Variants in COL4A2 observed in about 807,000 individuals in gnomAD.
COL4A2 encodes the protein collagen alpha-2(IV) chain.
COL4A2 carries 99 observed loss-of-function variants against 200.2 expected under a neutral mutation model. That is an observed-to-expected ratio of 0.49 (90% confidence interval 0.42 to 0.58). The LOEUF (loss-of-function observed/expected upper bound fraction) is 0.58. Among genes scored for constraint, COL4A2 ranks in the 20% least tolerant of loss-of-function variants. The pLI is 0.00. For synonymous variants in COL4A2, 897 were observed against 900.6 expected (o/e 1.00, Z 0.07); for missense variants, 1,950 against 2,314.1 (o/e 0.84, Z 3.23).
intron 3 of COL4A2, among the ~76,000 whole-genome samples, chr13:110,355,488 G>A (rs878975582): frequency 4.7e-4 from 42 of 89,120 alleles, no homozygotes; most frequent in African/African-American, 7.1e-4. Flanking sequence ...TGTGTGTGGG[G>A]GAGGGCTGCA....
intron 3 of COL4A2, among the ~76,000 whole-genome samples, chr13:110,312,091 AGCGCTATTGCTCAAAACATG>A (rs1269268194): frequency 6.6e-6 from 1 of 152,226 alleles, no homozygotes; most frequent in Non-Finnish European, 1.5e-5. Context: ...CTGGAGCTGA[AGCGCTATTGCTCAAAACATG>A]GCCCTCTGAG....
intron 25 of COL4A2, 86 bp from the exon 26 acceptor site, chr13:110,465,917 C>T (rs1882222660): frequency 6.6e-7 from 1 of 1,507,032 alleles, no homozygotes; most frequent in South Asian, 1.2e-5. Context: ...TACGACACAC[C>T]TTCACACACG....
rs544938369 is a variant in COL4A2 at position 110,386,734 on chromosome 13, A to G, written c.180+29182A>G. 7.9e-5 allele frequency among the ~76,000 whole-genome samples: 12 copies of G among 152,312 alleles called. No homozygotes were observed. In the South Asian group the frequency reaches 2.5e-3, roughly 32 times the overall value. The stretch of plus-strand genomic sequence containing the variant: ...ATTCAGCCACTTCTATGTAGAGAGT[A>G]CTCAGATAAAAAAGAAAAGTGAGAT... On this transcript the variant is annotated intron_variant, in intron 4 of 47. Transcript: ENST00000360467.
At chr13:110,475,501 A>T (rs571823701) in intron 29 of COL4A2, among the ~76,000 whole-genome samples, 1 of 152,348 alleles carries the variant, frequency 6.6e-6, no homozygotes, top group African/African-American at 2.4e-5. Flanking sequence ...AGAATGTTTG[A>T]GCATGAAAAC....
chr13:110,424,637 A>AAAC (rs2034101606), intron 4 of COL4A2, 97 bp from the exon 5 acceptor site: 1 of 796,772 alleles, frequency 1.3e-6, no homozygotes. Context: ...AGCTCTTTAA[A>AAAC]AACAAAAAAA....
At chr13:110,456,740 TG>T in intron 20 of COL4A2, 3 of 472,922 alleles carry the variant, frequency 6.3e-6, no homozygotes, top group South Asian at 3.1e-5. Context: ...GCCCTGTGTC[TG>T]GGGGGACCCT....
chr13:110,454,707 G>A (rs1393039749), intron 20 of COL4A2, among the ~76,000 whole-genome samples: 1 of 151,786 alleles, frequency 6.6e-6, no homozygotes, highest in East Asian at 1.9e-4. Context: ...GCCCCTCCCT[G>A]CACTCCCCGC....
chr13:110,432,063 G>A (rs1880702049), intron 10 of COL4A2, among the ~76,000 whole-genome samples: 1 of 152,204 alleles, frequency 6.6e-6, no homozygotes, highest in African/African-American at 2.4e-5. Context: ...GAGGACATGG[G>A]TGAAGTCAAA....
intron 47 of COL4A2, among the ~76,000 whole-genome samples, chr13:110,509,270 T>TATATATACAC (rs1435137108): frequency 8.7e-6 from 1 of 115,578 alleles, no homozygotes; most frequent in East Asian, 2.8e-4. Context: ...TATATATATA[T>TATATATACAC]ACACACACAC....
chr13:110,467,531 G>T (rs965370554), intron 27 of COL4A2, among the ~76,000 whole-genome samples: 3 of 152,246 alleles, frequency 2.0e-5, no homozygotes, highest in Non-Finnish European at 4.4e-5. Context: ...AGAGTGTTTT[G>T]TCTCTAGCAC....
rs1882750220 is a variant in COL4A2, at chr13:110,477,590, G to A, written c.2426-413G>A. On this transcript the variant is annotated intron_variant, in intron 29 of 47. Coordinates refer to ENST00000360467, the MANE Select transcript of COL4A2 (RefSeq NM_001846.4). ...TTTGCAAAAGTGAAAAAAATGGGGA[G>A]GATGCGATGGAATACATTCAATGTG... Among the ~76,000 whole-genome samples the A allele has an allele frequency of 1.3e-5, 2 of 152,166 alleles. 1 individual carries two copies. The highest frequency in any genetic ancestry group is 4.8e-5 in the African/African-American group (2 of 41,440).
At chr13:110,470,001 G>A (rs1023038169) in intron 28 of COL4A2, among the ~76,000 whole-genome samples, 4 of 136,098 alleles carry the variant, frequency 2.9e-5, no homozygotes, top group Non-Finnish European at 4.6e-5. Flanking sequence ...TGCAACCTCC[G>A]CCTTCTGGGT....
rs564100044 is a variant in COL4A2 at position 110,484,735 on chromosome 13, A to G, written c.2903-170A>G. ...GACCCTGGAGCCACCCCCAACTCCA[A>G]CTACTCCGATGGACACAGGAGAGGC... On this transcript the variant is annotated intron_variant, in intron 32 of 47. Transcript: ENST00000360467. Among the ~76,000 whole-genome samples, 95 of 152,068 alleles carry G rather than the reference A, an allele frequency of 6.2e-4. 1 individual carries two copies. Among genetic ancestry groups the G allele is most frequent in the Admixed American group, 5.8e-3 (89 of 15,272 alleles).
At chr13:110,335,254 G>C (rs977868404) in intron 3 of COL4A2, among the ~76,000 whole-genome samples, 3 of 152,038 alleles carry the variant, frequency 2.0e-5, no homozygotes, top group African/African-American at 7.2e-5. Flanking sequence ...TTCAGCCATG[G>C]CTCCTGCTGT....
At chr13:110,394,491 C>T (rs961763940) in intron 4 of COL4A2, among the ~76,000 whole-genome samples, 1 of 152,208 alleles carries the variant, frequency 6.6e-6, no homozygotes, top group Admixed American at 6.5e-5. Context: ...GGGGATGTTT[C>T]ACAGCCACAA....
At chr13:110,479,252 G>A (rs1221230964) in intron 30 of COL4A2, among the ~76,000 whole-genome samples, 1 of 152,212 alleles carries the variant, frequency 6.6e-6, no homozygotes, top group Non-Finnish European at 1.5e-5. Flanking sequence ...ACTTTAGGTG[G>A]GGAGAGAGAC....
At chr13:110,441,613 A>G (rs1298121181) in intron 16 of COL4A2, among the ~76,000 whole-genome samples, 1 of 152,208 alleles carries the variant, frequency 6.6e-6, no homozygotes, top group Non-Finnish European at 1.5e-5. Context: ...GCCACATTCT[A>G]GTTCATGGCT....
At chr13:110,318,931 G>A (rs1885212169) in intron 3 of COL4A2, among the ~76,000 whole-genome samples, 1 of 151,868 alleles carries the variant, frequency 6.6e-6, no homozygotes, top group African/African-American at 2.4e-5. Flanking sequence ...TTCATTATGG[G>A]CAGGTTGGGG....
chr13:110,313,545 C>T (rs1421193873), intron 3 of COL4A2, among the ~76,000 whole-genome samples: 37 of 110,848 alleles, frequency 3.3e-4, no homozygotes, highest in African/African-American at 7.0e-4. Context: ...CGGTGCCCCG[C>T]GTCCACCCGG....
Sources: allele counts gnomAD v4.1 joint callset (sites outside exome capture counted in the v4.1 genomes callset), GRCh38; gene constraint gnomAD v4.1.1; transcripts MANE v1.5; gene names NCBI Gene and HGNC (gene_info 2026-07-23, HGNC 2026-07-21).